SHC3: variants seen among roughly 807,000 people sequenced by gnomAD.
The protein encoded by SHC3 is SHC-transforming protein 3.
In SHC3, 15 loss-of-function variants were observed where a neutral mutation model predicts 60.4. That is an observed-to-expected ratio of 0.25 (90% CI 0.17 to 0.38). SHC3 has a LOEUF of 0.38. SHC3 is among the 10% of genes least tolerant of loss of function. The pLI, the probability that SHC3 is intolerant of heterozygous loss-of-function variation, is 1.00. For synonymous variants in SHC3, 294 were observed against 325.9 expected, an observed-to-expected ratio of 0.90 and a Z score of 1.05; for missense variants, 677 against 786.1, an observed-to-expected ratio of 0.86 and a Z score of 1.66.
rs567869922 is a variant in SHC3, at chr9:89,137,652, C to A, written c.475-25026G>T. On this transcript the variant is annotated intron_variant, in intron 1 of 11. Transcript: ENST00000375835. ...CTTTCTGAATGAGAAATATTAAAAG[C>A]AAAAACGTCTAGGGGTGGAGACAGA... Among the ~76,000 whole-genome samples the A allele has an allele frequency of 4.6e-5, 7 of 152,176 alleles. 1 individual carries two copies. In the East Asian group the frequency reaches 1.4e-3, roughly 29 times the overall value.
intron 6 of SHC3, among the ~76,000 whole-genome samples, chr9:89,052,545 G>T (rs908461288): frequency 2.0e-5 from 3 of 152,148 alleles, no homozygotes; most frequent in Non-Finnish European, 4.4e-5. Context: ...ACATGAACTA[G>T]GTCCCTTCAA....
intron 11 of SHC3, among the ~76,000 whole-genome samples, chr9:89,031,750 G>A (rs1303721821): frequency 6.6e-6 from 1 of 152,150 alleles, no homozygotes; most frequent in Admixed American, 6.5e-5. Flanking sequence ...AATGGTTTGG[G>A]GGAGATCAGT....
At chr9:89,102,522 C>T (rs1427396308) in intron 2 of SHC3, among the ~76,000 whole-genome samples, 1 of 151,946 alleles carries the variant, frequency 6.6e-6, no homozygotes, top group Non-Finnish European at 1.5e-5. Context: ...CTGTAATAAC[C>T]CAAAATAGCG....
chr9:89,154,823 G>A (rs1008746647), intron 1 of SHC3, among the ~76,000 whole-genome samples: 5 of 152,200 alleles, frequency 3.3e-5, no homozygotes, highest in African/African-American at 1.2e-4. Flanking sequence ...GATTTCATCT[G>A]AAAATCACAG....
chr9:89,117,218 G>A (rs1250767937), intron 1 of SHC3, among the ~76,000 whole-genome samples: 3 of 152,118 alleles, frequency 2.0e-5, no homozygotes, highest in Non-Finnish European at 2.9e-5. Context: ...CACCAACGTC[G>A]CAGACCTGAA....
rs113166422 is a variant in SHC3 at position 89,045,819 on chromosome 9, C to T, written c.1128G>A (p.Glu376=). ...AGTGTCTTCCCTGGTAATAAGTCTG[C>T]TCTTTTCCTGCAAACTATAGACACA... ...APDTAQFAGK[E]QTYYQGRHLG... is the part of the protein sequence containing the mutation. The change falls in exon 9 of 12, where the codon GAG becomes GAA. Residue 376 remains glutamate (E), a synonymous_variant. Coordinates refer to ENST00000375835, the MANE Select transcript of SHC3 (RefSeq NM_016848.6). The T allele has an allele frequency of 4.1e-4, 663 of 1,614,104 alleles. 1 individual carries two copies. The African/African-American group carries it at 6.1e-3, about 15-fold the overall frequency.
intron 5 of SHC3, among the ~76,000 whole-genome samples, chr9:89,068,919 C>T (rs1028324747): frequency 2.0e-5 from 3 of 152,182 alleles, no homozygotes; most frequent in Non-Finnish European, 4.4e-5. Context: ...ATTTAAGAAA[C>T]TATGGTTCCA....
At chr9:89,128,481 A>G (rs1217940179) in intron 1 of SHC3, among the ~76,000 whole-genome samples, 1 of 152,154 alleles carries the variant, frequency 6.6e-6, no homozygotes, top group Non-Finnish European at 1.5e-5. Flanking sequence ...TGAGCAGCCT[A>G]ACTGGGAGAC....
chr9:89,088,972 A>G (rs557008240), intron 2 of SHC3: 1 of 152,390 alleles, frequency 6.6e-6, no homozygotes, highest in Non-Finnish European at 1.5e-5. Flanking sequence ...TTTATTCTTC[A>G]CAAACTGTGA....
intron 4 of SHC3, among the ~76,000 whole-genome samples, chr9:89,073,133 T>C (rs1825300922): frequency 6.6e-6 from 1 of 152,226 alleles, no homozygotes; most frequent in East Asian, 1.9e-4. Flanking sequence ...CAGGAAATGA[T>C]AAACTATGGC....
chr9:89,064,860 A>G (rs1406468558), intron 6 of SHC3, among the ~76,000 whole-genome samples: 1 of 152,118 alleles, frequency 6.6e-6, no homozygotes, highest in Non-Finnish European at 1.5e-5. Context: ...TACCTGGGGT[A>G]GGGGGGTAGT....
At chr9:89,053,206 G>A (rs1015461906) in intron 6 of SHC3, among the ~76,000 whole-genome samples, 14 of 152,326 alleles carry the variant, frequency 9.2e-5, no homozygotes, top group Admixed American at 2.6e-4. Context: ...GATGACAGCT[G>A]CCTTCATCAC....
rs573521791 is a variant in SHC3 at position 89,156,490 on chromosome 9, A to C, written c.474+21497T>G. On this transcript the variant is annotated intron_variant, in intron 1 of 11. Coordinates refer to ENST00000375835, the MANE Select transcript of SHC3 (RefSeq NM_016848.6). ...GGCCCCCAAAGACATAATTTTTTTA[A>C]TCTTCGGTGCATTCAAAAAACTTCC... Among the ~76,000 whole-genome samples, 145 of 152,202 alleles carry C rather than the reference A, an allele frequency of 9.5e-4. 1 individual carries two copies. Among genetic ancestry groups the C allele is most frequent in the Middle Eastern group, 3.4e-3 (1 of 294 alleles).
Position 89,168,342 on chromosome 9 carries a change from G to A in SHC3, c.474+9645C>T, listed in dbSNP as rs539845495. ...TAGCTGAGCGTGGTGATGCATGCCG[G>A]TAATCCCAGCTACTCAGGAGGCTGA... is the stretch of plus-strand genomic sequence containing the variant. On this transcript the variant is annotated intron_variant, in intron 1 of 11. Transcript: ENST00000375835. Among the ~76,000 whole-genome samples the A allele has an allele frequency of 3.9e-5, 6 of 152,174 alleles. No homozygotes were observed. In the South Asian group the frequency reaches 1.2e-3, roughly 32 times the overall value.
chr9:89,176,618 A>G (rs1826945569), intron 1 of SHC3, among the ~76,000 whole-genome samples: 1 of 152,202 alleles, frequency 6.6e-6, no homozygotes, highest in Non-Finnish European at 1.5e-5. Context: ...CCCTGGTTAT[A>G]TAATTTAAAT....
At chr9:89,031,225 T>C (rs984437753) in intron 11 of SHC3, among the ~76,000 whole-genome samples, 1 of 152,208 alleles carries the variant, frequency 6.6e-6, no homozygotes, top group African/African-American at 2.4e-5. Context: ...AGATTCTTTT[T>C]ACACAGCTTC....
intron 1 of SHC3, among the ~76,000 whole-genome samples, chr9:89,116,908 C>T (rs1435110550): frequency 6.6e-6 from 1 of 152,154 alleles, no homozygotes; most frequent in Non-Finnish European, 1.5e-5. Flanking sequence ...ACCACTATCA[C>T]ATGAATAACA....
At chr9:89,015,956 A>G (rs1397235073) in intron 11 of SHC3, among the ~76,000 whole-genome samples, 1 of 152,254 alleles carries the variant, frequency 6.6e-6, no homozygotes, top group Non-Finnish European at 1.5e-5. Context: ...GAAACTAGAA[A>G]AAGAAGAACA....
intron 6 of SHC3, among the ~76,000 whole-genome samples, chr9:89,065,280 T>C (rs1418388492): frequency 2.0e-5 from 3 of 152,154 alleles, no homozygotes; most frequent in Non-Finnish European, 2.9e-5. Context: ...CAGGGGCTGT[T>C]TGTGTGTAAA....
Sources: gnomAD v4.1 joint callset for allele counts (sites outside exome capture counted in the v4.1 genomes callset) on GRCh38, gnomAD v4.1.1 for gene constraint, MANE v1.5 for transcripts, NCBI Gene and HGNC (gene_info 2026-07-23, HGNC 2026-07-21) for gene names.